C16orf78: variants seen among roughly 807,000 people sequenced by gnomAD.
C16orf78 encodes chromosome 16 open reading frame 78.
In C16orf78, 19 loss-of-function variants were observed where a neutral mutation model predicts 27.3. The observed-to-expected ratio is 0.70, with a 90% CI of 0.49 to 1.02. The LOEUF is 1.02. Among genes scored for constraint, C16orf78 ranks in the 50% least tolerant of loss-of-function variants. C16orf78 has a pLI of 0.00. For missense variants in C16orf78, 339 were observed against 337.0 expected (o/e 1.01, Z -0.05); for synonymous variants, 130 against 116.1 (o/e 1.12, Z -0.77).
At position 49,377,812 on chromosome 16, in the gene C16orf78, C is replaced by G. The variant is rs376631461; in HGVS notation, c.232C>G (p.Arg78Gly). 20 of 1,588,868 alleles carry G rather than the reference C, an allele frequency of 1.3e-5. No homozygotes were observed. The highest frequency in any genetic ancestry group is 5.3e-5 in the Admixed American group (3 of 56,258). ...GAAAGGCAAAGGCCTCATGACAGCACGGGGAGGGAACCGCAGGGACACGGA... is the reference window on the plus strand; with the variant it reads ...GAAAGGCAAAGGCCTCATGACAGCAGGGGGAGGGAACCGCAGGGACACGGA... ...EKKGKGLMTARGGNRRDTETS... is the reference protein window; with the variant it reads ...EKKGKGLMTAGGGNRRDTETS... The change falls in exon 2 of 5, where the codon CGG (arginine) becomes GGG (glycine). Residue 78 changes from arginine (R) to glycine (G), a missense_variant. Physicochemically the swap from Arg to Gly is moderately radical, Grantham distance 125. Transcript: ENST00000299191.
chr16:49,377,720 T>C lies in C16orf78; in HGVS notation c.151-11T>C. The C allele has an allele frequency of 1.2e-6, 2 of 1,601,324 alleles. No individual in the cohort carries two copies. The highest frequency in any genetic ancestry group is 1.1e-5 in the South Asian group (1 of 88,172). ...CAGTGGCTGCAGGGCTCTCTTCCCTTGTCTTTTCAGAAGCAAAAGCCCAAA... is the reference window on the plus strand; with the variant it reads ...CAGTGGCTGCAGGGCTCTCTTCCCTCGTCTTTTCAGAAGCAAAAGCCCAAA... On this transcript the variant is annotated splice_polypyrimidine_tract_variant and intron_variant, in intron 1 of 4. Transcript: ENST00000299191.
Position 49,385,751 on chromosome 16 carries a change from G to A in C16orf78, c.394+7158G>A, listed in dbSNP as rs144014932. Among the ~76,000 whole-genome samples, 111 of 151,130 alleles carry A rather than the reference G, an allele frequency of 7.3e-4. 2 individuals are homozygous for A. Among genetic ancestry groups the A allele is most frequent in the African/African-American group, 2.5e-3 (102 of 41,158 alleles). ...AAAGGAAAATAAATAAAAACATACC[G>A]CTCCAAAAAGTCATTAAATCACAAA... On this transcript the variant is annotated intron_variant, in intron 3 of 4. Coordinates refer to ENST00000299191, the MANE Select transcript of C16orf78 (RefSeq NM_144602.4).
rs1214062578 is a variant in C16orf78, at chr16:49,399,215, C to T, written c.735C>T (p.His245=). 2 of 1,614,208 alleles carry T rather than the reference C, an allele frequency of 1.2e-6. No homozygotes were observed. The highest frequency in any genetic ancestry group is 1.7e-5 in the Admixed American group (1 of 60,028). The change falls in exon 5 of 5, where the codon CAC becomes CAT. Residue 245 remains histidine (H), a synonymous_variant. Coordinates refer to ENST00000299191, the MANE Select transcript of C16orf78 (RefSeq NM_144602.4). ...GAATGAATGTGGATATCCACCCCCA[C>T]ATGGTCGAAGAGGACATAGATGCTA... is the stretch of plus-strand genomic sequence containing the variant. ...DAGMNVDIHP[H]MVEEDIDAKK...
chr16:49,377,952 C>T (rs27812), intron 2 of C16orf78, 102 bp downstream of exon 2: 1,446,214 of 1,454,370 alleles, frequency 0.99, 719,054 homozygotes, highest in East Asian at 1. Context: ...TTCTAAATTT[C>T]AAGGCTCCGA....
Position 49,396,300 on chromosome 16 carries a change from C to T in C16orf78, c.395-123C>T, listed in dbSNP as rs145191936. On this transcript the variant is annotated intron_variant, in intron 3 of 4. Coordinates refer to ENST00000299191, the MANE Select transcript of C16orf78 (RefSeq NM_144602.4). ...ACCTGTGGAAGCCACGAAAAGACCT[C>T]ATATCTCAGAACAGGTACGGTTTGA... 975 of 1,144,072 alleles carry T rather than the reference C, an allele frequency of 8.5e-4. 9 individuals carry two copies. The African/African-American group carries it at 0.014, about 16-fold the overall frequency. 70.9% of individuals were successfully genotyped at this position (1,144,072 alleles called of 1,614,324 possible). A position where few individuals can be genotyped will look rare whatever the true frequency, so the allele number is the denominator to read the frequency against.
intron 1 of C16orf78, among the ~76,000 whole-genome samples, chr16:49,376,623 G>A (rs1032721795): frequency 6.6e-6 from 1 of 152,150 alleles, no homozygotes; most frequent in Non-Finnish European, 1.5e-5. Context: ...CAGGCCCTTG[G>A]ACAGCTTCCT....
intron 1 of C16orf78, among the ~76,000 whole-genome samples, chr16:49,375,980 C>A (rs1189705636): frequency 6.6e-6 from 1 of 152,092 alleles, no homozygotes; most frequent in Non-Finnish European, 1.5e-5. Context: ...TAACTTTGGA[C>A]CTAGAGAGGG....
At chr16:49,397,649 G>C (rs1357657474) in intron 4 of C16orf78, among the ~76,000 whole-genome samples, 1 of 152,172 alleles carries the variant, frequency 6.6e-6, no homozygotes, top group African/African-American at 2.4e-5. Context: ...TTCCATGGTG[G>C]GGGGAAAGAG....
chr16:49,394,175 AC>A (rs1162536917), intron 3 of C16orf78, among the ~76,000 whole-genome samples: 5 of 152,144 alleles, frequency 3.3e-5, no homozygotes, highest in African/African-American at 1.2e-4. Context: ...ACTATTACAG[AC>A]TGTATAAAAT....
At chr16:49,383,005 C>T (rs1397499104) in intron 3 of C16orf78, among the ~76,000 whole-genome samples, 1 of 152,252 alleles carries the variant, frequency 6.6e-6, no homozygotes, top group Non-Finnish European at 1.5e-5. Context: ...GCCAGCAGGT[C>T]AGGCTGACTT....
chr16:49,385,137 A>G (rs1365957184), intron 3 of C16orf78, among the ~76,000 whole-genome samples: 5 of 152,204 alleles, frequency 3.3e-5, no homozygotes, highest in Admixed American at 2.0e-4. Flanking sequence ...TCAAATTTCA[A>G]ATTTTCTAAT....
chr16:49,398,389 G>A (rs1191722569), intron 4 of C16orf78, among the ~76,000 whole-genome samples: 1 of 152,240 alleles, frequency 6.6e-6, no homozygotes, highest in Non-Finnish European at 1.5e-5. Context: ...GGATCACACA[G>A]TACAAATGGG....
intron 3 of C16orf78, among the ~76,000 whole-genome samples, chr16:49,379,446 C>G (rs967347248): frequency 7.2e-6 from 1 of 139,232 alleles, no homozygotes; most frequent in Non-Finnish European, 1.5e-5. Context: ...CAGAGGCGGT[C>G]AATTCTCATA....
intron 3 of C16orf78, among the ~76,000 whole-genome samples, chr16:49,394,475 A>G (rs1483019485): frequency 7.7e-6 from 1 of 129,822 alleles, no homozygotes; most frequent in Non-Finnish European, 1.5e-5. Context: ...ATATCAGTTG[A>G]TGGCAAAAAA....
At chr16:49,395,800 T>G (rs991870298) in intron 3 of C16orf78, among the ~76,000 whole-genome samples, 2 of 152,124 alleles carry the variant, frequency 1.3e-5, no homozygotes, top group Non-Finnish European at 2.9e-5. Context: ...GGCTACCTCC[T>G]CTAGGCTCAT....
rs1292274151 is a variant in C16orf78, at chr16:49,373,885, A to G, written c.-55A>G. On this transcript the variant is annotated 5_prime_UTR_variant, in exon 1 of 5. Transcript: ENST00000299191. ...CCATCAAGTCCAGACAAAGGGATCGAAAGAGTGAGACAGTGCCAGCCACCT... is the reference window on the plus strand; with the variant it reads ...CCATCAAGTCCAGACAAAGGGATCGGAAGAGTGAGACAGTGCCAGCCACCT... The G allele has an allele frequency of 8.7e-6, 14 of 1,602,910 alleles. No homozygotes were observed. The highest frequency in any genetic ancestry group is 1.2e-5 in the Non-Finnish European group (14 of 1,173,554).
chr16:49,386,437 G>A (rs152646), intron 3 of C16orf78, among the ~76,000 whole-genome samples: 1 of 151,946 alleles, frequency 6.6e-6, no homozygotes, highest in Admixed American at 6.5e-5. Context: ...GATCATATGT[G>A]GGACCACAAG....
Position 49,373,884 on chromosome 16 carries a change from G to A in C16orf78, c.-56G>A, listed in dbSNP as rs1358611731. ...GCCATCAAGTCCAGACAAAGGGATC[G>A]AAAGAGTGAGACAGTGCCAGCCACC... On this transcript the variant is annotated 5_prime_UTR_variant, in exon 1 of 5. Transcript: ENST00000299191. 8 of 1,601,444 alleles carry A rather than the reference G, an allele frequency of 5.0e-6. No homozygotes were observed. The highest frequency in any genetic ancestry group is 1.7e-5 in the Admixed American group (1 of 59,612).
At chr16:49,382,044 G>A (rs557566776) in intron 3 of C16orf78, among the ~76,000 whole-genome samples, 197 of 152,268 alleles carry the variant, frequency 1.3e-3, no homozygotes, top group Non-Finnish European at 2.1e-3. Flanking sequence ...ACTGGATTAA[G>A]AAAATGTGGC....
Sources: allele counts gnomAD v4.1 joint callset (sites outside exome capture counted in the v4.1 genomes callset), GRCh38; gene constraint gnomAD v4.1.1; transcripts MANE v1.5; gene names NCBI Gene and HGNC (gene_info 2026-07-23, HGNC 2026-07-21).